Variants in AEBP2 observed in about 807,000 individuals in gnomAD.
AEBP2 encodes the protein zinc finger protein AEBP2.
Under a neutral mutation model 50.8 loss-of-function variants are expected in AEBP2, and 10 were observed. That is an observed-to-expected ratio of 0.20 (90% CI 0.12 to 0.33). The LOEUF is 0.33. Ranked by LOEUF, AEBP2 falls within the 10% of genes least tolerant of loss-of-function variation. AEBP2 has a pLI of 1.00. For missense variants in AEBP2, 570 were observed against 688.0 expected, an observed-to-expected ratio of 0.83 and a Z score of 1.92; for synonymous variants, 296 against 261.3, an observed-to-expected ratio of 1.13 and a Z score of -1.28.
chr12:19,471,188 A>ACCTCCTCTTT (rs1342177205), intron 2 of AEBP2, among the ~76,000 whole-genome samples: 3 of 147,074 alleles, frequency 2.0e-5, no homozygotes, highest in Non-Finnish European at 4.6e-5. Context: ...TGATTATAGC[A>ACCTCCTCTTT]GTTCATTGTA....
At chr12:19,472,359 A>T (rs4963538) in intron 2 of AEBP2, among the ~76,000 whole-genome samples, 129,245 of 152,136 alleles carry the variant, frequency 0.85, 55,199 homozygotes, top group African/African-American at 0.93. Context: ...ACCCTTCTTT[A>T]CCTGATGTTG....
chr12:19,465,441 G>A (rs16915491), intron 2 of AEBP2, among the ~76,000 whole-genome samples: 1 of 151,954 alleles, frequency 6.6e-6, no homozygotes, highest in Admixed American at 6.6e-5. Flanking sequence ...TTTGATCAAA[G>A]ATAGGAGTCC....
intron 5 of AEBP2, 138 bp downstream of exon 5, chr12:19,500,359 A>G (rs1949049970): frequency 1.1e-6 from 1 of 900,560 alleles, no homozygotes; most frequent in Non-Finnish European, 1.6e-6. Context: ...ATCAGTATTT[A>G]AAACATTGTA....
chr12:19,418,597 T>C (rs989663240), intron 1 of AEBP2, among the ~76,000 whole-genome samples: 2 of 152,090 alleles, frequency 1.3e-5, no homozygotes, highest in Non-Finnish European at 2.9e-5. Context: ...CTACCCAATA[T>C]GAGTCTGTAA....
intron 3 of AEBP2, among the ~76,000 whole-genome samples, chr12:19,492,285 T>C (rs994791081): frequency 1.3e-5 from 2 of 152,192 alleles, no homozygotes; most frequent in South Asian, 2.1e-4. Flanking sequence ...CAAATTTTTT[T>C]CCCCCAAGAT....
In AEBP2 at chr12:19,440,478, C is replaced by T. The variant is rs563349171; in HGVS notation, c.671+108C>T. 5.7e-5 allele frequency: 80 copies of T among 1,407,572 alleles called. No individual in the cohort carries two copies. The South Asian group carries it at 1.2e-3, about 21-fold the overall frequency. The allele number at this position is 1,407,572 out of a possible 1,614,324, so 87.2% of individuals were successfully genotyped here. ...CCGCGATCCCCCTGCTCCCCGAATC[C>T]TCGGCCCCTCCCCCAGACTCTCAAC... is the stretch of plus-strand genomic sequence containing the variant. On this transcript the variant is annotated intron_variant, in intron 1 of 7. Coordinates refer to ENST00000266508, the MANE Select transcript of AEBP2 (RefSeq NM_153207.5).
intron 1 of AEBP2, among the ~76,000 whole-genome samples, chr12:19,458,823 T>C (rs2153369534): frequency 1.3e-5 from 2 of 152,340 alleles, no homozygotes; most frequent in Middle Eastern, 6.8e-3. Flanking sequence ...TAAAAGGGTA[T>C]ATACAGTGAA....
At chr12:19,485,951 T>TG (rs1565726570) in intron 3 of AEBP2, among the ~76,000 whole-genome samples, 385 of 132,194 alleles carry the variant, frequency 2.9e-3, no homozygotes, top group African/African-American at 0.011. Flanking sequence ...GCCTCTGCTT[T>TG]TTTTTTTTTT....
intron 1 of AEBP2, among the ~76,000 whole-genome samples, chr12:19,417,597 G>T (rs939629424): frequency 6.6e-6 from 1 of 151,708 alleles, no homozygotes; most frequent in Admixed American, 6.6e-5. Context: ...TAGTAGAGAC[G>T]GGGTTTCTCC....
chr12:19,453,004 C>T (rs7311400), intron 1 of AEBP2, among the ~76,000 whole-genome samples: 61,442 of 134,250 alleles, frequency 0.46, 14,200 homozygotes, highest in Middle Eastern at 0.56. Context: ...CTCGCTTTGT[C>T]GCCCAAGCTG....
At position 19,414,936 on chromosome 12, in the gene AEBP2, A is replaced by G. The variant is rs1392015286; in HGVS notation, c.-17+10720A>G. Among the ~76,000 whole-genome samples, 3 of 151,102 alleles carry G rather than the reference A, an allele frequency of 2.0e-5. 1 individual carries two copies. The South Asian group carries it at 6.3e-4, about 32-fold the overall frequency. On this transcript the variant is annotated intron_variant, in intron 1 of 3. Transcript: ENST00000538425. ...AGATTCTATCTCCAAAAAAAAAAAA[A>G]CAGTTTGAGTCCAAATCCCAGAGAA...
At chr12:19,488,795 A>G (rs1386623554) in intron 3 of AEBP2, among the ~76,000 whole-genome samples, 3 of 152,160 alleles carry the variant, frequency 2.0e-5, no homozygotes, top group East Asian at 1.9e-4. Context: ...GGCCACCAGC[A>G]TATTTTTTTT....
chr12:19,481,894 C>T (rs1393052392), intron 3 of AEBP2, among the ~76,000 whole-genome samples: 1 of 152,140 alleles, frequency 6.6e-6, no homozygotes, highest in Non-Finnish European at 1.5e-5. Flanking sequence ...GTATTGTTGT[C>T]TTTAATTTGG....
chr12:19,471,591 T>A (rs1948574430), intron 2 of AEBP2, among the ~76,000 whole-genome samples: 1 of 152,044 alleles, frequency 6.6e-6, no homozygotes, highest in South Asian at 2.1e-4. Flanking sequence ...AGCCTCCATC[T>A]CTTGGACTTA....
rs2095743089 is a variant in AEBP2, at chr12:19,417,175, A to G, written c.-17+12959A>G. On this transcript the variant is annotated intron_variant, in intron 1 of 3. Coordinates refer to the AEBP2 transcript ENST00000538425. ...GCGTAAACCACTGCGCCCGGCCCCT[A>G]TCCTTTCAAGATAAAAATGCCTCAT... is the stretch of plus-strand genomic sequence containing the variant. 3.3e-5 allele frequency among the ~76,000 whole-genome samples: 5 copies of G among 151,424 alleles called. No individual in the cohort carries two copies. The South Asian group carries it at 6.3e-4, about 19-fold the overall frequency.
intron 1 of AEBP2, among the ~76,000 whole-genome samples, chr12:19,458,925 T>TCTC (rs1333513918): frequency 6.6e-6 from 1 of 152,236 alleles, no homozygotes; most frequent in Non-Finnish European, 1.5e-5. Flanking sequence ...TATGTCTCTG[T>TCTC]CTCCCTCCCC....
At chr12:19,416,133 G>A (rs1047756445) in intron 1 of AEBP2, among the ~76,000 whole-genome samples, 27 of 152,256 alleles carry the variant, frequency 1.8e-4, no homozygotes, top group Non-Finnish European at 3.2e-4. Context: ...AGTGAGCCAC[G>A]ATAGCGTTGC....
chr12:19,517,228 T>C (rs899402371), intron 7 of AEBP2, among the ~76,000 whole-genome samples: 1 of 152,162 alleles, frequency 6.6e-6, no homozygotes, highest in Non-Finnish European at 1.5e-5. Flanking sequence ...AGAAAAACAA[T>C]TATTCTTACT....
At chr12:19,480,166 A>C (rs973625079) in intron 3 of AEBP2, among the ~76,000 whole-genome samples, 1 of 152,006 alleles carries the variant, frequency 6.6e-6, no homozygotes, top group Non-Finnish European at 1.5e-5. Context: ...GCAGTGGCAC[A>C]ATCTTGGCTC....
Sources: allele counts gnomAD v4.1 joint callset (sites outside exome capture counted in the v4.1 genomes callset), GRCh38; gene constraint gnomAD v4.1.1; transcripts MANE v1.5; gene names NCBI Gene and HGNC (gene_info 2026-07-23, HGNC 2026-07-21).